Variants in TDRD10 observed in about 807,000 individuals in gnomAD.
The protein encoded by TDRD10 is tudor domain-containing protein 10.
A neutral mutation model predicts 48.0 loss-of-function variants in TDRD10; 40 were observed. The observed-to-expected ratio is 0.83, with a 90% CI of 0.65 to 1.09. The LOEUF (loss-of-function observed/expected upper bound fraction) is 1.09. TDRD10 is among the 50% of genes least tolerant of loss of function. TDRD10 has a pLI of 0.00. For missense variants in TDRD10, 378 were observed against 434.7 expected (o/e 0.87, Z 1.16); for synonymous variants, 162 against 170.4 (o/e 0.95, Z 0.38).
At chr1:154,542,981 A>G (rs111236804) in intron 8 of TDRD10, among the ~76,000 whole-genome samples, 160 bp downstream of exon 8, 9 of 152,286 alleles carry the variant, frequency 5.9e-5, no homozygotes, top group African/African-American at 2.2e-4. Flanking sequence ...CTGACTTATA[A>G]AATCAGCTTC....
intron 6 of TDRD10, among the ~76,000 whole-genome samples, chr1:154,522,535 C>G (rs4575077): frequency 1.3e-5 from 2 of 151,968 alleles, no homozygotes; most frequent in Non-Finnish European, 2.9e-5. Context: ...CCCAGGCGCA[C>G]TGGCTCACAC....
At chr1:154,508,600 A>G (rs944181952) in intron 4 of TDRD10, 119 bp downstream of exon 4, 9 of 733,596 alleles carry the variant, frequency 1.2e-5, no homozygotes, top group Non-Finnish European at 2.2e-5. Flanking sequence ...GATAGTGCAG[A>G]CAGTCACTCG....
At chr1:154,507,405 T>G in intron 3 of TDRD10, 85 bp downstream of exon 3, 6 of 1,488,004 alleles carry the variant, frequency 4.0e-6, no homozygotes, top group Non-Finnish European at 5.5e-6. Flanking sequence ...TCTGCCCAGT[T>G]TCTGTTCAAT....
chr1:154,503,744 G>A (rs902499753), intron 1 of TDRD10, among the ~76,000 whole-genome samples: 30 of 152,174 alleles, frequency 2.0e-4, no homozygotes, highest in African/African-American at 6.0e-4. Context: ...GAAACAGAAT[G>A]ATGGCGACTG....
intron 6 of TDRD10, among the ~76,000 whole-genome samples, chr1:154,533,939 G>A (rs564737100): frequency 6.6e-6 from 1 of 151,052 alleles, no homozygotes; most frequent in African/African-American, 2.4e-5. Context: ...GTCCCACTAT[G>A]TTGCCCAAGC....
At chr1:154,523,697 C>G (rs946990766) in intron 6 of TDRD10, among the ~76,000 whole-genome samples, 5 of 152,214 alleles carry the variant, frequency 3.3e-5, no homozygotes, top group Admixed American at 2.6e-4. Context: ...ACATCTTTAA[C>G]TCCATTGCCC....
At chr1:154,545,098 C>T (rs1695477505) in intron 11 of TDRD10, 149 bp downstream of exon 11, 2 of 1,049,326 alleles carry the variant, frequency 1.9e-6, no homozygotes, top group South Asian at 3.4e-5. Flanking sequence ...CATATGACCC[C>T]TGCAAAGCTG....
chr1:154,514,059 G>A (rs538911334), intron 4 of TDRD10, among the ~76,000 whole-genome samples: 8 of 152,212 alleles, frequency 5.3e-5, no homozygotes, highest in African/African-American at 1.9e-4. Context: ...ACACGGTGGC[G>A]GGTGCCTGTA....
intron 1 of TDRD10, among the ~76,000 whole-genome samples, chr1:154,506,501 G>C (rs1487041243): frequency 6.6e-6 from 1 of 151,788 alleles, no homozygotes; most frequent in Admixed American, 6.6e-5. Context: ...TCAGCCTCCT[G>C]AGTAGCTGGG....
intron 6 of TDRD10, among the ~76,000 whole-genome samples, chr1:154,540,322 T>G (rs1695151145): frequency 6.6e-6 from 1 of 151,696 alleles, no homozygotes; most frequent in South Asian, 2.1e-4. Context: ...GGCTTGCTGA[T>G]GAATTTGACG....
intron 6 of TDRD10, among the ~76,000 whole-genome samples, chr1:154,541,726 CCT>C (rs986055583): frequency 6.6e-6 from 1 of 152,162 alleles, no homozygotes; most frequent in African/African-American, 2.4e-5. Flanking sequence ...GCTTTCTGCC[CCT>C]GTCTGGGGAA....
chr1:154,504,032 C>A (rs896608343), intron 1 of TDRD10, among the ~76,000 whole-genome samples: 4 of 152,104 alleles, frequency 2.6e-5, no homozygotes, highest in African/African-American at 7.3e-5. Context: ...GCAGTCACTC[C>A]TCATTTCCCT....
At chr1:154,540,077 A>G (rs1695138208) in intron 6 of TDRD10, among the ~76,000 whole-genome samples, 1 of 152,204 alleles carries the variant, frequency 6.6e-6, no homozygotes, top group Non-Finnish European at 1.5e-5. Flanking sequence ...TTTATTTGTA[A>G]GCACGATGGG....
chr1:154,525,287 C>T (rs1036647272), intron 6 of TDRD10, among the ~76,000 whole-genome samples: 3 of 152,048 alleles, frequency 2.0e-5, no homozygotes, highest in African/African-American at 7.2e-5. Flanking sequence ...AAGATGATTT[C>T]CCAGTATTCC....
intron 6 of TDRD10, among the ~76,000 whole-genome samples, chr1:154,536,135 T>C (rs1694908560): frequency 6.6e-6 from 1 of 152,192 alleles, no homozygotes; most frequent in Non-Finnish European, 1.5e-5. Context: ...CCCAGCACTT[T>C]GGGAGGCCGA....
At chr1:154,511,360 G>A (rs1001075022) in intron 4 of TDRD10, among the ~76,000 whole-genome samples, 13 of 151,964 alleles carry the variant, frequency 8.6e-5, no homozygotes, top group African/African-American at 2.7e-4. Context: ...CAGGCCGGGC[G>A]TGGTGGCTCA....
At chr1:154,547,203 C>T (rs1695645454) in intron 11 of TDRD10, among the ~76,000 whole-genome samples, 1 of 151,994 alleles carries the variant, frequency 6.6e-6, no homozygotes, top group Non-Finnish European at 1.5e-5. Context: ...GTTATTTTGC[C>T]CTCCCCCTAT....
intron 6 of TDRD10, among the ~76,000 whole-genome samples, chr1:154,531,450 G>A (rs1694613694): frequency 6.6e-6 from 1 of 152,142 alleles, no homozygotes; most frequent in African/African-American, 2.4e-5. Context: ...TCTTACTTCT[G>A]GTGGGTTCGT....
chr1:154,544,213 A>G, intron 9 of TDRD10, 103 bp downstream of exon 9: 1 of 1,575,218 alleles, frequency 6.3e-7, no homozygotes, highest in Non-Finnish European at 8.6e-7. Flanking sequence ...GATGCAGGGT[A>G]ACTACGGTCT....
Sources: gnomAD v4.1 joint callset for allele counts (sites outside exome capture counted in the v4.1 genomes callset) on GRCh38, gnomAD v4.1.1 for gene constraint, MANE v1.5 for transcripts, NCBI Gene and HGNC (gene_info 2026-07-23, HGNC 2026-07-21) for gene names.